The following MARCHF1 variants were observed in gnomAD, a reference collection of about 807,000 sequenced individuals.
MARCHF1 encodes membrane associated ring-CH-type finger 1, also known as E3 ubiquitin-protein ligase MARCHF1.
MARCHF1 carries 40 observed loss-of-function variants against 54.2 expected under a neutral mutation model. The observed-to-expected ratio is 0.74, with a 90% CI of 0.57 to 0.96. MARCHF1 has a LOEUF of 0.96. MARCHF1 is among the 40% of genes least tolerant of loss of function. The pLI is 0.00. For missense variants in MARCHF1, 586 were observed against 656.5 expected (o/e 0.89, Z 1.17); for synonymous variants, 236 against 236.3 (o/e 1.00, Z 0.01).
chr4:163,680,326 T>C (rs1744062941), intron 5 of MARCHF1, among the ~76,000 whole-genome samples: 2 of 152,254 alleles, frequency 1.3e-5, no homozygotes, highest in African/African-American at 2.4e-5. Flanking sequence ...AGAAAGCCTT[T>C]TGAGATACCA....
chr4:163,778,805 CGTG>C (rs1747378432), intron 4 of MARCHF1, among the ~76,000 whole-genome samples: 1 of 151,748 alleles, frequency 6.6e-6, no homozygotes, highest in South Asian at 2.1e-4. Context: ...AATGTGTACA[CGTG>C]GATGATGTAG....
chr4:163,641,113 T>C (rs377321785), intron 5 of MARCHF1, among the ~76,000 whole-genome samples: 5 of 152,134 alleles, frequency 3.3e-5, no homozygotes, highest in East Asian at 3.9e-4. Context: ...CTGGCAAATA[T>C]ACTACATTTA....
chr4:163,853,147 A>T (rs892799104), intron 4 of MARCHF1, among the ~76,000 whole-genome samples: 17 of 152,216 alleles, frequency 1.1e-4, no homozygotes, highest in African/African-American at 4.1e-4. Flanking sequence ...GCCCAAACAT[A>T]CTAAGATAGT....
chr4:163,840,477 T>C (rs1463868414), intron 4 of MARCHF1, among the ~76,000 whole-genome samples: 1 of 152,156 alleles, frequency 6.6e-6, no homozygotes, highest in East Asian at 1.9e-4. Context: ...GGGGTACAAC[T>C]GATCCCAGCA....
intron 1 of MARCHF1, among the ~76,000 whole-genome samples, chr4:164,124,803 A>G (rs1756145673): frequency 6.6e-6 from 1 of 152,164 alleles, no homozygotes; most frequent in Non-Finnish European, 1.5e-5. Context: ...GTGGAGGGTA[A>G]GTGGGGACAG....
At chr4:164,018,259 GA>G (rs1753588817) in intron 2 of MARCHF1, among the ~76,000 whole-genome samples, 1 of 151,524 alleles carries the variant, frequency 6.6e-6, no homozygotes, top group African/African-American at 2.4e-5. Flanking sequence ...TTTGCTAAAA[GA>G]AATTCAGATC....
chr4:164,314,886 T>C (rs539757019), intron 1 of MARCHF1, among the ~76,000 whole-genome samples: 48 of 152,312 alleles, frequency 3.2e-4, no homozygotes, highest in Admixed American at 1.2e-3. Context: ...CTATTCTTCT[T>C]GTTCAACCAA....
At chr4:164,323,988 A>G (rs1735209543) in intron 1 of MARCHF1, among the ~76,000 whole-genome samples, 1 of 151,912 alleles carries the variant, frequency 6.6e-6, no homozygotes, top group African/African-American at 2.4e-5. Flanking sequence ...TTAGAAAGAC[A>G]GCATAACTTT....
intron 1 of MARCHF1, among the ~76,000 whole-genome samples, chr4:164,336,911 G>A (rs572740670): frequency 1.3e-5 from 2 of 151,888 alleles, no homozygotes; most frequent in Non-Finnish European, 2.9e-5. Flanking sequence ...TCAAAACCTA[G>A]TGAGGATAAA....
intron 3 of MARCHF1, among the ~76,000 whole-genome samples, chr4:163,885,850 T>C (rs1750518761): frequency 6.6e-6 from 1 of 151,134 alleles, no homozygotes; most frequent in East Asian, 1.9e-4. Flanking sequence ...GGCAGGAGTA[T>C]TACTGGAGCC....
chr4:163,669,887 C>G (rs1048254111), intron 5 of MARCHF1, among the ~76,000 whole-genome samples: 1 of 151,516 alleles, frequency 6.6e-6, no homozygotes, highest in Non-Finnish European at 1.5e-5. Flanking sequence ...TGTGAGCCAC[C>G]GCTCCCGGCC....
chr4:163,978,369 G>A (rs549938920), intron 3 of MARCHF1, among the ~76,000 whole-genome samples: 84 of 152,252 alleles, frequency 5.5e-4, no homozygotes, highest in African/African-American at 2.0e-3. Context: ...GAAAAATACA[G>A]TCAACATAGG....
At chr4:163,686,460 A>G (rs1744271810) in intron 5 of MARCHF1, among the ~76,000 whole-genome samples, 2 of 141,974 alleles carry the variant, frequency 1.4e-5, no homozygotes, top group Admixed American at 1.4e-4. Context: ...TGCAAAAGTA[A>G]TTGTGGGTTT....
chr4:164,251,123 A>G (rs778111424), intron 1 of MARCHF1, among the ~76,000 whole-genome samples: 58 of 152,270 alleles, frequency 3.8e-4, no homozygotes, highest in Non-Finnish European at 6.6e-4. Flanking sequence ...GTAAAATTAA[A>G]TATTTAGTAT....
chr4:163,735,716 G>A (rs61457953), intron 4 of MARCHF1, among the ~76,000 whole-genome samples: 7,458 of 152,090 alleles, frequency 0.049, 543 homozygotes, highest in East Asian at 0.28. Flanking sequence ...ATTTTAGGGG[G>A]CCACATTCAA....
chr4:164,161,249 C>T (rs532318516), intron 1 of MARCHF1, among the ~76,000 whole-genome samples: 1 of 152,198 alleles, frequency 6.6e-6, no homozygotes, highest in Admixed American at 6.5e-5. Context: ...TAAAACCTCT[C>T]TGCTCACTCT....
intron 9 of MARCHF1, among the ~76,000 whole-genome samples, chr4:163,532,886 G>A (rs917551360): frequency 6.6e-6 from 1 of 151,950 alleles, no homozygotes; most frequent in African/African-American, 2.4e-5. Flanking sequence ...GATGTGGAAC[G>A]ACAAGCAGGA....
chr4:163,968,709 A>G (rs1420669281), intron 3 of MARCHF1, among the ~76,000 whole-genome samples: 1 of 152,136 alleles, frequency 6.6e-6, no homozygotes, highest in Non-Finnish European at 1.5e-5. Context: ...AGGATTGTAG[A>G]TGCAGACACC....
intron 1 of MARCHF1, among the ~76,000 whole-genome samples, chr4:164,259,785 T>C (rs1224360374): frequency 6.6e-6 from 1 of 152,130 alleles, no homozygotes; most frequent in African/African-American, 2.4e-5. Context: ...ATTTGGTCAC[T>C]CTAAAGTAGC....
Sources: gnomAD v4.1 joint callset for allele counts (sites outside exome capture counted in the v4.1 genomes callset) on GRCh38, gnomAD v4.1.1 for gene constraint, MANE v1.5 for transcripts, NCBI Gene and HGNC (gene_info 2026-07-23, HGNC 2026-07-21) for gene names.